The following APOB variants were observed in gnomAD, a reference collection of about 807,000 sequenced individuals.
APOB encodes the protein apolipoprotein B.
A neutral mutation model predicts 314.1 loss-of-function variants in APOB; 153 were observed. The observed-to-expected ratio is 0.49, with a 90% CI of 0.43 to 0.56. The LOEUF (loss-of-function observed/expected upper bound fraction) is 0.56. Among genes scored for constraint, APOB ranks in the 20% least tolerant of loss-of-function variants. The probability of loss-of-function intolerance (pLI) is 0.00; values close to 1 mark genes in which losing one functional copy is unlikely to be tolerated. For missense variants in APOB, 5,430 were observed against 5,350.7 expected (o/e 1.01, Z -0.46); for synonymous variants, 2,087 against 2,036.4 (o/e 1.02, Z -0.67).
Position 21,004,278 on chromosome 2 carries a change from G to A in APOB, c.12078C>T (p.Tyr4026=), listed in dbSNP as rs760438237. 7 of 1,613,820 alleles carry A rather than the reference G, an allele frequency of 4.3e-6. No homozygotes were observed. The highest frequency in any genetic ancestry group is 3.3e-5 in the Admixed American group (2 of 59,966). ...DDDFSKWNFY[Y]SPQSSPDKKL... is the part of the protein sequence containing the mutation. The stretch of plus-strand genomic sequence containing the variant: ...ATTAGGTGGTATTTACCTGAGGGCT[G>A]TAGTAGAAGTTCCATTTAGAAAAGT... Residue 4026 remains tyrosine (Y), a synonymous_variant, in exon 28 of 29, where the codon TAC becomes TAT. Coordinates refer to ENST00000233242, the MANE Select transcript of APOB (RefSeq NM_000384.3).
In APOB at chr2:21,002,348, C is replaced by G; in HGVS notation, c.13074G>C (p.Lys4358Asn). 2.5e-6 allele frequency: 4 copies of G among 1,611,424 alleles called. No individual in the cohort carries two copies. The highest frequency in any genetic ancestry group is 3.4e-6 in the Non-Finnish European group (4 of 1,179,032). The change falls in exon 29 of 29, where the codon AAG (lysine) becomes AAC (asparagine). Residue 4358 changes from lysine to asparagine, a missense_variant. Physicochemically the swap from Lys to Asn is moderately conservative, Grantham distance 94. Around this residue, in one of 3 missense-constraint regions of APOB, gnomAD observed 3,281 missense variants for 3,171.0 expected, o/e 1.03. Coordinates refer to ENST00000233242, the MANE Select transcript of APOB (RefSeq NM_000384.3). ...LKENLCLNLH[K>N]FNEFIQNELQ... is the part of the protein sequence containing the mutation. ...GCTCGTTTTGAATAAATTCATTGAA[C>G]TTATGAAGATTAAGGCATAGGTTTT...
intron 4 of APOB, among the ~76,000 whole-genome samples, chr2:21,039,757 T>G (rs1300248027): frequency 6.6e-6 from 1 of 152,194 alleles, no homozygotes; most frequent in African/African-American, 2.4e-5. Flanking sequence ...CTTCTGTATT[T>G]GGAGAAGACC....
At position 21,043,855 on chromosome 2, in the gene APOB, C is replaced by T; in HGVS notation, c.82+9G>A. 2 of 1,522,436 alleles carry T rather than the reference C, an allele frequency of 1.3e-6. No homozygotes were observed. Among genetic ancestry groups the T allele is most frequent in the African/African-American group, 2.8e-5 (2 of 71,852 alleles). 94.3% of individuals were successfully genotyped at this position (1,522,436 alleles called of 1,614,324 possible). A position where few individuals can be genotyped will look rare whatever the true frequency, so the allele number is the denominator to read the frequency against. On this transcript the variant is annotated intron_variant, in intron 1 of 28. Transcript: ENST00000233242. ...TCCCTCTGCGCCCGCAGAGCGGCCG[C>T]GCACTCACCGGCCCTGGCGCCCGCC...
At chr2:21,029,525 G>A (rs541520506) in intron 12 of APOB, 114 bp downstream of exon 12, 1 of 1,204,610 alleles carries the variant, frequency 8.3e-7, no homozygotes, top group Non-Finnish European at 1.2e-6. Context: ...GGAAGGAAAG[G>A]AAAGAAACAG....
Position 21,012,190 on chromosome 2 carries a change from A to G in APOB, c.4678T>C (p.Ser1560Pro). Reference sequence around the variant, plus strand: ...AGCTCGTAGTTCTCATACTTTAGGGAAGCAGTATTTTTAATGATGCCACTT... The same window carrying G: ...AGCTCGTAGTTCTCATACTTTAGGGGAGCAGTATTTTTAATGATGCCACTT... ...LQSGIIKNTA[S>P]LKYENYELTL... The change falls in exon 26 of 29, where the codon TCC (serine) becomes CCC (proline). Residue 1560 changes from serine to proline, a missense_variant. Physicochemically the swap from Ser to Pro is moderately conservative, Grantham distance 74. Around this residue, in one of 3 missense-constraint regions of APOB, gnomAD observed 2,085 missense variants for 2,079.7 expected, o/e 1.00. Transcript: ENST00000233242. The G allele has an allele frequency of 6.2e-7, 1 of 1,602,056 alleles. No individual in the cohort carries two copies. Among genetic ancestry groups the G allele is most frequent in the Non-Finnish European group, 8.5e-7 (1 of 1,173,162 alleles).
At position 21,033,172 on chromosome 2, in the gene APOB, T is replaced by A. The variant is rs1306428518; in HGVS notation, c.1124+127A>T. On this transcript the variant is annotated intron_variant, in intron 9 of 28. Coordinates refer to ENST00000233242, the MANE Select transcript of APOB (RefSeq NM_000384.3). ...AGTTCTCTATCCAGCAATCATGAAC[T>A]GATTGACTAATTGATTAACTGGATT... is the stretch of plus-strand genomic sequence containing the variant. 18 of 747,118 alleles carry A rather than the reference T, an allele frequency of 2.4e-5. No individual in the cohort carries two copies. The Admixed American group carries it at 3.6e-4, about 15-fold the overall frequency. 46.3% of individuals were successfully genotyped at this position (747,118 alleles called of 1,614,324 possible).
rs1382988295 is a variant in APOB, at chr2:21,006,686, C to A, written c.10182G>T (p.Lys3394Asn). Residue 3394 changes from lysine to asparagine, a missense_variant, in exon 26 of 29, where the codon AAG becomes AAT. By Grantham distance (94) the Lys-to-Asn change is moderately conservative (BLOSUM62 0). Around this residue, in one of 3 missense-constraint regions of APOB, gnomAD observed 3,281 missense variants for 3,171.0 expected, o/e 1.03. Coordinates refer to ENST00000233242, the MANE Select transcript of APOB (RefSeq NM_000384.3). ...TTRLTRKRGLKLATALSLSNK... is the reference protein window; with the variant it reads ...TTRLTRKRGLNLATALSLSNK... Reference sequence around the variant, plus strand: ...TGCTCAGAGACAGAGCTGTGGCTAACTTCAATCCCCTTTTTCTTGTCAATC... The same window carrying A: ...TGCTCAGAGACAGAGCTGTGGCTAAATTCAATCCCCTTTTTCTTGTCAATC... 1.2e-6 allele frequency: 2 copies of A among 1,614,108 alleles called. No homozygotes were observed. Among genetic ancestry groups the A allele is most frequent in the Non-Finnish European group, 1.7e-6 (2 of 1,179,990 alleles).
intron 18 of APOB, 105 bp from the exon 19 acceptor site, chr2:21,020,010 A>G (rs976138024): frequency 3.1e-6 from 3 of 962,478 alleles, no homozygotes; most frequent in African/African-American, 3.2e-5. Flanking sequence ...GTCTTCCCTC[A>G]GTCCACACCT....
chr2:21,027,306 ATTTTTTTTTTTTT>A (rs71391771), intron 14 of APOB, among the ~76,000 whole-genome samples: 1 of 105,884 alleles, frequency 9.4e-6, no homozygotes, highest in Non-Finnish European at 1.9e-5. Flanking sequence ...TTGCATTTCA[ATTTTTTTTTTTTT>A]TTTTTTTTTT....
rs945373513 is a variant in APOB, at chr2:21,009,449, G to T, written c.7419C>A (p.Thr2473=). The change falls in exon 26 of 29, where the codon ACC becomes ACA. Residue 2473 remains threonine, a synonymous_variant. Coordinates refer to ENST00000233242, the MANE Select transcript of APOB (RefSeq NM_000384.3). ...CCAGATACACTGCAACTGTGGCCTTGGTTTCCTCTAAAAACAGTTTTAATG... is the reference window on the plus strand; with the variant it reads ...CCAGATACACTGCAACTGTGGCCTTTGTTTCCTCTAAAAACAGTTTTAATG... ...AEALKLFLEE[T]KATVAVYLES... 1.2e-6 allele frequency: 2 copies of T among 1,614,000 alleles called. No homozygotes were observed. Among genetic ancestry groups the T allele is most frequent in the Admixed American group, 1.7e-5 (1 of 60,008 alleles).
chr2:21,028,122 T>G, intron 13 of APOB, 57 bp from the exon 14 acceptor site: 1 of 1,305,918 alleles, frequency 7.7e-7, no homozygotes, highest in African/African-American at 1.4e-5. Flanking sequence ...CCTTTGACTC[T>G]TGCACCCCAA....
At chr2:21,022,216 C>T (rs1448129122) in intron 18 of APOB, among the ~76,000 whole-genome samples, 1 of 152,172 alleles carries the variant, frequency 6.6e-6, no homozygotes, top group Non-Finnish European at 1.5e-5. Context: ...GATCCATCCA[C>T]CTGGGGCTCC....
intron 10 of APOB, among the ~76,000 whole-genome samples, chr2:21,032,017 A>G (rs1663894536): frequency 6.6e-6 from 1 of 152,220 alleles, no homozygotes; most frequent in Non-Finnish European, 1.5e-5. Context: ...AATAAGATGA[A>G]TTAATGGATG....
rs1292510421 is a variant in APOB at position 21,010,735 on chromosome 2, C to T, written c.6133G>A (p.Ala2045Thr). 7 of 1,613,868 alleles carry T rather than the reference C, an allele frequency of 4.3e-6. No homozygotes were observed. Among genetic ancestry groups the T allele is most frequent in the Non-Finnish European group, 5.9e-6 (7 of 1,179,908 alleles). Reference sequence around the variant, plus strand: ...GTAAATTCTTGGGGCTTCTCAACGGCATCTCTCATCTCTAAAGCATCAATG... The same window carrying T: ...GTAAATTCTTGGGGCTTCTCAACGGTATCTCTCATCTCTAAAGCATCAATG... ...NIIDALEMRD[A>T]VEKPQEFTIV... The change falls in exon 26 of 29, where the codon GCC (alanine) becomes ACC (threonine). Residue 2045 changes from alanine (A) to threonine (T), a missense_variant. Physicochemically the swap from Ala to Thr is moderately conservative, Grantham distance 58. Coordinates refer to ENST00000233242, the MANE Select transcript of APOB (RefSeq NM_000384.3).
intron 28 of APOB, 27 bp downstream of exon 28, chr2:21,004,242 G>A: frequency 6.2e-6 from 10 of 1,611,638 alleles, no homozygotes; most frequent in Non-Finnish European, 7.6e-6. Flanking sequence ...GCTCTTGGGG[G>A]CGTGTCACTC....
Position 21,004,434 on chromosome 2 carries a change from C to G in APOB, c.11922G>C (p.Ala3974=), listed in dbSNP as rs927432508. The G allele has an allele frequency of 6.2e-7, 1 of 1,613,836 alleles. No individual in the cohort carries two copies. The highest frequency in any genetic ancestry group is 1.3e-5 in the African/African-American group (1 of 74,868). The part of the protein sequence containing the change: ...YEGLQEWEGK[A]HLNIKSPAFT... ...ACGCTGGGCTTTTGATATTGAGGTG[C>G]GCTTTTCCTTCCCATTCCCTGAAAG... Residue 3974 remains alanine (A), a synonymous_variant, in exon 28 of 29, where the codon GCG becomes GCC. Coordinates refer to ENST00000233242, the MANE Select transcript of APOB (RefSeq NM_000384.3).
At chr2:21,030,526 C>G (rs1178695876) in intron 10 of APOB, among the ~76,000 whole-genome samples, 2 of 152,178 alleles carry the variant, frequency 1.3e-5, no homozygotes, top group African/African-American at 4.8e-5. Flanking sequence ...GAAAACTTCT[C>G]TGGACATTGG....
At chr2:21,042,237 T>C in intron 3 of APOB, 124 bp downstream of exon 3, 1 of 782,482 alleles carries the variant, frequency 1.3e-6, no homozygotes, top group Non-Finnish European at 2.3e-6. Context: ...ATTACAACAG[T>C]TCTGGGATGT....
At chr2:21,023,810 C>G (rs559578288) in intron 16 of APOB, 118 bp from the exon 17 acceptor site, 65 of 854,810 alleles carry the variant, frequency 7.6e-5, no homozygotes, top group Middle Eastern at 3.5e-4. Flanking sequence ...GAAGGACTAG[C>G]ATATTTTGAT....
Sources: gnomAD v4.1 joint callset for allele counts (sites outside exome capture counted in the v4.1 genomes callset) on GRCh38, gnomAD v4.1.1 for gene constraint, gnomAD v4.1.1 regional missense constraint, MANE v1.5 for transcripts, NCBI Gene and HGNC (gene_info 2026-07-23, HGNC 2026-07-21) for gene names.